Variants in AGBL1 observed in about 807,000 individuals in gnomAD.
The protein encoded by AGBL1 is cytosolic carboxypeptidase 4.
A neutral mutation model predicts 118.9 loss-of-function variants in AGBL1; 130 were observed. The ratio of observed to expected loss-of-function variants is 1.09; its 90% CI spans 0.95 to 1.26. The LOEUF is 1.26. Ranked by LOEUF, AGBL1 falls within the 50% of genes most tolerant of loss-of-function variation. The pLI is 0.00. For missense variants in AGBL1, 1,584 were observed against 1,298.1 expected (o/e 1.22, Z -3.38); for synonymous variants, 555 against 478.9 (o/e 1.16, Z -2.08).
chr15:86,761,289 A>C (rs549776959), intron 22 of AGBL1, among the ~76,000 whole-genome samples: 2 of 152,204 alleles, frequency 1.3e-5, no homozygotes, highest in African/African-American at 4.8e-5. Context: ...TGACATATAC[A>C]AAAAATGGCT....
At chr15:86,854,344 A>G (rs2079448301) in intron 22 of AGBL1, among the ~76,000 whole-genome samples, 2 of 152,132 alleles carry the variant, frequency 1.3e-5, no homozygotes, top group Admixed American at 1.3e-4. Flanking sequence ...TCCTGTAATG[A>G]CTAGCTGTCA....
intron 5 of AGBL1, among the ~76,000 whole-genome samples, chr15:86,175,947 G>T (rs1049922090): frequency 1.3e-5 from 2 of 152,180 alleles, no homozygotes; most frequent in Admixed American, 1.3e-4. Context: ...CTGATGAGAG[G>T]AATGTGTATT....
chr15:86,479,442 A>C (rs993224637), intron 18 of AGBL1, among the ~76,000 whole-genome samples: 1 of 152,232 alleles, frequency 6.6e-6, no homozygotes, highest in East Asian at 1.9e-4. Context: ...CACTTCTCAA[A>C]AGAAGACATT....
intron 22 of AGBL1, among the ~76,000 whole-genome samples, chr15:86,784,240 G>A (rs977142614): frequency 6.6e-6 from 1 of 152,182 alleles, no homozygotes; most frequent in Non-Finnish European, 1.5e-5. Flanking sequence ...TATTAATAAT[G>A]TTGGAGCATA....
intron 18 of AGBL1, among the ~76,000 whole-genome samples, chr15:86,464,232 T>G (rs2082368612): frequency 6.6e-6 from 1 of 152,332 alleles, no homozygotes; most frequent in East Asian, 1.9e-4. Context: ...ATGATTTGGC[T>G]CTCTGTTTGT....
intron 5 of AGBL1, among the ~76,000 whole-genome samples, chr15:86,213,669 C>G (rs752507424): frequency 9.2e-5 from 14 of 152,122 alleles, no homozygotes; most frequent in Non-Finnish European, 1.8e-4. Flanking sequence ...ACCCCTCTTT[C>G]CCACAGACCC....
intron 22 of AGBL1, among the ~76,000 whole-genome samples, chr15:86,746,163 C>T (rs1417651857): frequency 6.6e-6 from 1 of 152,076 alleles, no homozygotes; most frequent in Admixed American, 6.6e-5. Flanking sequence ...TCACAACACA[C>T]CTGGTTATGT....
chr15:86,200,556 C>A (rs866354304), intron 5 of AGBL1, among the ~76,000 whole-genome samples: 4 of 141,982 alleles, frequency 2.8e-5, no homozygotes, highest in Non-Finnish European at 6.2e-5. Context: ...CCCTACCCCC[C>A]CCCCCCTTTT....
At chr15:86,384,167 C>A (rs1425253996) in intron 17 of AGBL1, among the ~76,000 whole-genome samples, 2 of 152,076 alleles carry the variant, frequency 1.3e-5, no homozygotes. Context: ...TGAGACTTGG[C>A]CATGAACAGC....
chr15:86,877,548 A>C (rs979945463), intron 22 of AGBL1, among the ~76,000 whole-genome samples: 1 of 152,164 alleles, frequency 6.6e-6, no homozygotes, highest in African/African-American at 2.4e-5. Context: ...GGAAGGGATA[A>C]GTAGAAGGTA....
At chr15:86,624,270 A>G (rs187505767) in intron 21 of AGBL1, among the ~76,000 whole-genome samples, 24 of 152,366 alleles carry the variant, frequency 1.6e-4, no homozygotes, top group African/African-American at 5.3e-4. Context: ...AGTGAATTGA[A>G]TGTTAAAAGT....
At chr15:86,701,996 T>C (rs1033548242) in intron 22 of AGBL1, among the ~76,000 whole-genome samples, 6 of 143,940 alleles carry the variant, frequency 4.2e-5, no homozygotes, top group African/African-American at 1.5e-4. Flanking sequence ...TCCCCTTCCC[T>C]TGTGGCTGAT....
chr15:86,170,151 A>T (rs2077394600), intron 5 of AGBL1, among the ~76,000 whole-genome samples: 1 of 152,242 alleles, frequency 6.6e-6, no homozygotes, highest in South Asian at 2.1e-4. Flanking sequence ...TTCAAAAATT[A>T]AGTAATGACA....
intron 22 of AGBL1, among the ~76,000 whole-genome samples, chr15:86,760,591 G>A (rs1357664218): frequency 2.0e-5 from 3 of 152,034 alleles, no homozygotes; most frequent in African/African-American, 7.2e-5. Context: ...CCAAATGATC[G>A]ATAACTTGGC....
rs564646787 is a variant in AGBL1 at position 86,250,467 on chromosome 15, G to A, written c.735+2588G>A. On this transcript the variant is annotated intron_variant, in intron 7 of 22. Transcript: ENST00000614907. ...CTTGAACCCAGGAAGTGGAGGTTGC[G>A]ATGAGTTGAGATCACACCATTGCAC... 7.0e-3 allele frequency among the ~76,000 whole-genome samples: 945 copies of A among 135,734 alleles called. 10 individuals carry two copies. The highest frequency in any genetic ancestry group is 0.01 in the Non-Finnish European group (666 of 65,202). 89.0% of individuals were successfully genotyped at this position (135,734 alleles called of 152,430 possible).
intron 1 of AGBL1, chr15:86,116,488 T>G (rs1897765688): frequency 6.6e-6 from 1 of 152,216 alleles, no homozygotes; most frequent in Non-Finnish European, 1.5e-5. Flanking sequence ...GTAGGCTGAG[T>G]AGAGAAGATC....
At position 86,268,166 on chromosome 15, in the gene AGBL1, C is replaced by T. The variant is rs538850045; in HGVS notation, c.1838+1090C>T. ...ATAGCTGAGACCTCCCTCATATCCA[C>T]CTGATGATTCATTTTTGAAGTTCTT... On this transcript the variant is annotated intron_variant, in intron 13 of 22. Transcript: ENST00000614907. Among the ~76,000 whole-genome samples, 4 of 152,100 alleles carry T rather than the reference C, an allele frequency of 2.6e-5. No homozygotes were observed. In the South Asian group the frequency reaches 8.3e-4, roughly 31 times the overall value.
At chr15:86,153,556 G>A (rs752352142) in intron 3 of AGBL1, among the ~76,000 whole-genome samples, 1 of 152,176 alleles carries the variant, frequency 6.6e-6, no homozygotes, top group Non-Finnish European at 1.5e-5. Context: ...AATACCTAAT[G>A]TAAATGACGG....
intron 17 of AGBL1, among the ~76,000 whole-genome samples, chr15:86,354,566 G>C (rs953626033): frequency 6.6e-6 from 1 of 152,150 alleles, no homozygotes; most frequent in African/African-American, 2.4e-5. Flanking sequence ...ACAGAGGAGA[G>C]ACATATTAGC....
Sources: gnomAD v4.1 joint callset for allele counts (sites outside exome capture counted in the v4.1 genomes callset) on GRCh38, gnomAD v4.1.1 for gene constraint, MANE v1.5 for transcripts, NCBI Gene and HGNC (gene_info 2026-07-23, HGNC 2026-07-21) for gene names.